Variants in NINJ2 observed in about 807,000 individuals in gnomAD.
NINJ2 encodes the protein ninjurin 2.
A neutral mutation model predicts 11.7 loss-of-function variants in NINJ2; 12 were observed. The observed-to-expected ratio is 1.02, with a 90% CI of 0.66 to 1.66. NINJ2 has a LOEUF of 1.66. Among genes scored for constraint, NINJ2 ranks in the 40% most tolerant of loss-of-function variants. The pLI is 0.00. For synonymous variants in NINJ2, 93 were observed against 76.8 expected, an observed-to-expected ratio of 1.21 and a Z score of -1.10; for missense variants, 187 against 181.8, an observed-to-expected ratio of 1.03 and a Z score of -0.16.
chr12:579,142 C>A (rs1214206165), intron 1 of NINJ2, among the ~76,000 whole-genome samples: 1 of 152,152 alleles, frequency 6.6e-6, no homozygotes, highest in African/African-American at 2.4e-5. Flanking sequence ...GAGTTATTTC[C>A]TCGGGATTTC....
At chr12:627,119 G>T (rs1948218923) in intron 1 of NINJ2, among the ~76,000 whole-genome samples, 1 of 152,104 alleles carries the variant, frequency 6.6e-6, no homozygotes, top group African/African-American at 2.4e-5. Flanking sequence ...TGTGTAAAGT[G>T]CTAAATACAG....
Position 581,947 on chromosome 12 carries a change from G to A in NINJ2, c.34-15769C>T, listed in dbSNP as rs577299844. On this transcript the variant is annotated intron_variant, in intron 1 of 3. Coordinates refer to ENST00000305108, the MANE Select transcript of NINJ2 (RefSeq NM_016533.6). The surrounding 1 kb of genome is among the most constrained non-coding windows in gnomAD (Gnocchi z 4.9). Reference sequence around the variant, plus strand: ...AACACACAAAAAGCCCAGCCCTGGAGGGATTCCAATCCACAGCCTCTCCCT... The same window carrying A: ...AACACACAAAAAGCCCAGCCCTGGAAGGATTCCAATCCACAGCCTCTCCCT... Among the ~76,000 whole-genome samples the A allele has an allele frequency of 5.9e-5, 9 of 152,332 alleles. No homozygotes were observed. The highest frequency in any genetic ancestry group is 1.2e-4 in the Non-Finnish European group (8 of 68,038).
At chr12:639,212 T>C (rs983359126) in intron 1 of NINJ2, among the ~76,000 whole-genome samples, 1 of 152,148 alleles carries the variant, frequency 6.6e-6, no homozygotes, top group Non-Finnish European at 1.5e-5. Context: ...AAAAGAACTG[T>C]AGTTAATGTT....
In NINJ2 at chr12:565,341, G is replaced by A; in HGVS notation, c.323C>T (p.Ala108Val). ...QWRLNQLNNA[A>V]TILVFFTVVI... ...CACAGTGAAGAAGACCAAGATGGTG[G>A]CTGCGTTGTTGAGCTGGTTGAGTCG... The change falls in exon 3 of 4, where the codon GCC (alanine) becomes GTC (valine). Residue 108 changes from alanine to valine, a missense_variant. Ala to Val is a moderately conservative substitution (Grantham distance 64, BLOSUM62 0). Coordinates refer to ENST00000305108, the MANE Select transcript of NINJ2 (RefSeq NM_016533.6). 1 of 1,614,248 alleles carries A rather than the reference G, an allele frequency of 6.2e-7. No homozygotes were observed. The highest frequency in any genetic ancestry group is 8.5e-7 in the Non-Finnish European group (1 of 1,180,030).
rs1657594379 is a variant in NINJ2 at position 591,697 on chromosome 12, C to A, written c.34-25519G>T. ...GTGCAGTGTCACCAGTCTGGCTTCT[C>A]GCCCCAGGTCCCTTGGGCACGTCTT... is the stretch of plus-strand genomic sequence containing the variant. On this transcript the variant is annotated intron_variant, in intron 1 of 3. Transcript: ENST00000305108. The surrounding 1 kb of genome is among the most constrained non-coding windows in gnomAD (Gnocchi z 5.0). Among the ~76,000 whole-genome samples the A allele has an allele frequency of 2.0e-5, 3 of 152,288 alleles. No individual in the cohort carries two copies. Among genetic ancestry groups the A allele is most frequent in the Non-Finnish European group, 2.9e-5 (2 of 68,030 alleles).
At chr12:577,244 G>A (rs1297811021) in intron 1 of NINJ2, among the ~76,000 whole-genome samples, 2 of 151,548 alleles carry the variant, frequency 1.3e-5, no homozygotes, top group Non-Finnish European at 2.9e-5. Flanking sequence ...AGATGATGTT[G>A]CCCAGCAGTA....
intron 1 of NINJ2, among the ~76,000 whole-genome samples, chr12:602,668 A>C (rs1284055407): frequency 6.6e-6 from 1 of 152,140 alleles, no homozygotes; most frequent in Non-Finnish European, 1.5e-5. Context: ...TAGCTTTTTG[A>C]GGAACTGCCA....
chr12:587,201 G>A (rs1464184968), intron 1 of NINJ2, among the ~76,000 whole-genome samples: 1 of 152,138 alleles, frequency 6.6e-6, no homozygotes, highest in Non-Finnish European at 1.5e-5. Flanking sequence ...AAAAGACTAG[G>A]GGACCAGGAG....
At position 623,767 on chromosome 12, in the gene NINJ2, C is replaced by A. The variant is rs562486334; in HGVS notation, c.33+39561G>T. ...CAAAGAGTGAGGCTGGGCATGGTGG[C>A]TCATGCCTGCAATCCCAGTACTCTG... On this transcript the variant is annotated intron_variant, in intron 1 of 3. Transcript: ENST00000305108. 2.0e-5 allele frequency among the ~76,000 whole-genome samples: 3 copies of A among 152,346 alleles called. No homozygotes were observed. In the East Asian group the frequency reaches 5.8e-4, roughly 29 times the overall value.
intron 1 of NINJ2, among the ~76,000 whole-genome samples, chr12:589,345 A>G (rs1036815268): frequency 1.3e-5 from 2 of 152,284 alleles, no homozygotes; most frequent in Non-Finnish European, 2.9e-5. Context: ...GCAAGTCAGT[A>G]AGAACATGAT....
At chr12:599,468 C>T (rs2120899365) in intron 1 of NINJ2, among the ~76,000 whole-genome samples, 1 of 152,210 alleles carries the variant, frequency 6.6e-6, no homozygotes, top group Non-Finnish European at 1.5e-5. Flanking sequence ...GGGGTCATAG[C>T]CCCCAAGAAA....
chr12:605,410 T>G (rs11063838), intron 1 of NINJ2, among the ~76,000 whole-genome samples: 18,820 of 152,216 alleles, frequency 0.12, 1,363 homozygotes, highest in Non-Finnish European at 0.17. Context: ...AAAGACTACC[T>G]TGGGGCTGGG....
chr12:607,822 G>C (rs559215848), intron 1 of NINJ2, among the ~76,000 whole-genome samples: 48 of 152,318 alleles, frequency 3.2e-4, no homozygotes, highest in African/African-American at 1.2e-3. Flanking sequence ...ATGGGGATGA[G>C]AGGAGGCTGG....
At chr12:663,294 G>C in intron 1 of NINJ2, 34 bp downstream of exon 1, 1 of 1,598,956 alleles carries the variant, frequency 6.3e-7, no homozygotes. Context: ...TCTACTCCCG[G>C]TCTCCCCTCT....
chr12:606,638 C>T (rs778989044), intron 1 of NINJ2, among the ~76,000 whole-genome samples: 10 of 152,162 alleles, frequency 6.6e-5, no homozygotes, highest in Non-Finnish European at 1.0e-4. Context: ...AGTGAAATGG[C>T]ACTCGATGTC....
chr12:593,059 A>G (rs950934346), intron 1 of NINJ2, among the ~76,000 whole-genome samples: 1 of 152,188 alleles, frequency 6.6e-6, no homozygotes, highest in African/African-American at 2.4e-5. Flanking sequence ...ATGAACAGAC[A>G]AAAGTAGAGT....
chr12:570,306 T>C (rs2120792234), intron 1 of NINJ2, among the ~76,000 whole-genome samples: 1 of 152,332 alleles, frequency 6.6e-6, no homozygotes, highest in South Asian at 2.1e-4. Flanking sequence ...CGGGCTTTTC[T>C]AATCCTCGTG....
At chr12:647,294 A>G (rs1301184599) in intron 1 of NINJ2, among the ~76,000 whole-genome samples, 1 of 152,150 alleles carries the variant, frequency 6.6e-6, no homozygotes, top group Non-Finnish European at 1.5e-5. Context: ...ATTATGCTTA[A>G]TCTTTCTAGT....
At chr12:622,434 A>AAAAAT (rs1206701601) in intron 1 of NINJ2, among the ~76,000 whole-genome samples, 3 of 144,238 alleles carry the variant, frequency 2.1e-5, no homozygotes, top group African/African-American at 5.4e-5. Context: ...AAAAAAAAAA[A>AAAAAT]GGAAAGAAAG....
Sources: gnomAD v4.1 joint callset for allele counts (sites outside exome capture counted in the v4.1 genomes callset) on GRCh38, gnomAD v4.1.1 for gene constraint, Gnocchi (gnomAD v3.1) non-coding constraint, MANE v1.5 for transcripts, NCBI Gene and HGNC (gene_info 2026-07-23, HGNC 2026-07-21) for gene names.